Variants in DLG3 observed in about 807,000 individuals in gnomAD.
The protein encoded by DLG3 is discs large MAGUK scaffold protein 3.
Under a neutral mutation model 64.1 loss-of-function variants are expected in DLG3, and 1 was observed. That is an observed-to-expected ratio of 0.02 (90% CI 0.01 to 0.07). The LOEUF (loss-of-function observed/expected upper bound fraction) is 0.07, where lower values mean the gene tolerates loss of function less well. DLG3 is among the 10% of genes least tolerant of loss of function. DLG3 has a pLI of 1.00. For synonymous variants in DLG3, 245 were observed against 259.8 expected (o/e 0.94, Z 0.55); for missense variants, 429 against 669.5 (o/e 0.64, Z 3.96).
chrX:70,469,655 C>T (rs1330336739), intron 9 of DLG3, among the ~76,000 whole-genome samples: 1 of 110,203 alleles, frequency 9.1e-6, no homozygotes. Context: ...ACCATGTTGG[C>T]CAGGCTGGTC....
chrX:70,489,554 C>T (rs1036490936), intron 10 of DLG3, among the ~76,000 whole-genome samples: 6 of 111,817 alleles, frequency 5.4e-5, no homozygotes, highest in African/African-American at 1.6e-4. Context: ...CTGCCCGCCT[C>T]GGCCTCCCAA....
intron 10 of DLG3, among the ~76,000 whole-genome samples, chrX:70,485,255 A>C (rs1473120058): frequency 8.9e-6 from 1 of 111,961 alleles, no homozygotes; most frequent in Non-Finnish European, 1.9e-5. Flanking sequence ...CACATGAAGC[A>C]TAAGACATGG....
intron 1 of DLG3, 152 bp downstream of exon 1, chrX:70,445,710 A>C: frequency 1.9e-6 from 1 of 533,797 alleles, no homozygotes; most frequent in Non-Finnish European, 3.1e-6. Flanking sequence ...AGGCGGTGGG[A>C]AATGTGTGGT....
At chrX:70,487,319 A>T (rs996947057) in intron 10 of DLG3, among the ~76,000 whole-genome samples, 12 of 111,914 alleles carry the variant, frequency 1.1e-4, no homozygotes, top group Non-Finnish European at 2.1e-4. Context: ...TGCACGGCTG[A>T]TCCCTGAAAA....
chrX:70,493,948 A>G (rs774402797), intron 12 of DLG3, among the ~76,000 whole-genome samples: 20 of 112,354 alleles, frequency 1.8e-4, no homozygotes, highest in Non-Finnish European at 3.2e-4. Context: ...TCTTCCCAGG[A>G]TCCCTGGAGT....
At position 70,475,188 on chromosome X, in the gene DLG3, CA is replaced by C. The variant is rs199610190; in HGVS notation, c.1406-3953del. 3.0e-3 allele frequency among the ~76,000 whole-genome samples: 317 copies of C among 107,315 alleles called. 3 individuals are homozygous for C. Among genetic ancestry groups the C allele is most frequent in the African/African-American group, 9.8e-3 (289 of 29,540 alleles). The allele number at this position is 107,315 out of a possible 115,157, so 93.2% of individuals were successfully genotyped here. A position where few individuals can be genotyped will look rare whatever the true frequency, so the allele number is the denominator to read the frequency against. Reference sequence around the variant, plus strand: ...TCTACAAAAAATAAAATATAAAAAACAAAAAAAAACCCACAAATACACAATG... The same window carrying C: ...TCTACAAAAAATAAAATATAAAAAACAAAAAAAACCCACAAATACACAATG... On this transcript the variant is annotated intron_variant, in intron 9 of 18. Transcript: ENST00000374360.
At chrX:70,447,601 G>A (rs773344672) in intron 1 of DLG3, among the ~76,000 whole-genome samples, 1 of 112,049 alleles carries the variant, frequency 8.9e-6, no homozygotes, top group African/African-American at 3.2e-5. Flanking sequence ...AGGACATGTG[G>A]AGGAGCCCCC....
At position 70,502,513 on chromosome X, in the gene DLG3, T is replaced by C. The variant is rs2087584025; in HGVS notation, c.*244T>C. ...TCATGTGACTGTGCCCATTCCTGCATGGACCTTTCCCAAGCGCTAGCACAG... is the reference window on the plus strand; with the variant it reads ...TCATGTGACTGTGCCCATTCCTGCACGGACCTTTCCCAAGCGCTAGCACAG... On this transcript the variant is annotated 3_prime_UTR_variant, in exon 19 of 19. Coordinates refer to ENST00000374360, the MANE Select transcript of DLG3 (RefSeq NM_021120.4). The C allele has an allele frequency of 3.0e-6, 1 of 332,419 alleles. No individual in the cohort carries two copies. Among genetic ancestry groups the C allele is most frequent in the Non-Finnish European group, 5.3e-6 (1 of 187,523 alleles). The allele number at this position is 332,419 out of a possible 1,213,427, so 27.4% of individuals were successfully genotyped here.
At chrX:70,498,432 T>C in intron 13 of DLG3, 88 bp from the exon 14 acceptor site, 1 of 945,106 alleles carries the variant, frequency 1.1e-6, no homozygotes, top group African/African-American at 1.9e-5. Context: ...CTGATAAGGC[T>C]GTGTCCTGGC....
rs142774669 is a variant in DLG3, at chrX:70,504,775, A to C, written c.*2506A>C. ...CAGAGAAAGTGACCTGCCAGCTACC[A>C]GTGTTTCCGAAAATGAGGGTGGGAT... is the stretch of plus-strand genomic sequence containing the variant. On this transcript the variant is annotated 3_prime_UTR_variant, in exon 19 of 19. Coordinates refer to ENST00000374360, the MANE Select transcript of DLG3 (RefSeq NM_021120.4). The C allele has an allele frequency of 8.9e-6, 1 of 112,146 alleles. No homozygotes were observed. Among genetic ancestry groups the C allele is most frequent in the Non-Finnish European group, 1.9e-5 (1 of 53,248 alleles). 9.2% of individuals were successfully genotyped at this position (112,146 alleles called of 1,213,427 possible). A position where few individuals can be genotyped will look rare whatever the true frequency, so the allele number is the denominator to read the frequency against.
chrX:70,492,019 G>C (rs1017466438), intron 10 of DLG3, 88 bp from the exon 11 acceptor site: 2 of 965,502 alleles, frequency 2.1e-6, no homozygotes, highest in Non-Finnish European at 2.9e-6. Flanking sequence ...TGTCTGTGCT[G>C]TTTGGGTTGG....
intron 9 of DLG3, among the ~76,000 whole-genome samples, chrX:70,458,098 A>G (rs1022283081): frequency 9.3e-5 from 10 of 107,907 alleles, no homozygotes; most frequent in Non-Finnish European, 1.5e-4. Flanking sequence ...CTGGTCTTGA[A>G]CTCCTGGGCT....
intron 10 of DLG3, among the ~76,000 whole-genome samples, chrX:70,490,576 ACT>A (rs1936485849): frequency 9.0e-6 from 1 of 111,495 alleles, no homozygotes; most frequent in African/African-American, 3.3e-5. Context: ...ATTTTTAAGA[ACT>A]CTGTTTCAAG....
intron 10 of DLG3, 129 bp downstream of exon 10, chrX:70,479,393 T>C: frequency 1.8e-6 from 1 of 550,010 alleles, no homozygotes; most frequent in Non-Finnish European, 3.2e-6. Context: ...CTTCTCACTG[T>C]ATGCTTAGGT....
chrX:70,476,694 A>G (rs1381211108), intron 9 of DLG3, among the ~76,000 whole-genome samples: 1 of 112,274 alleles, frequency 8.9e-6, no homozygotes, highest in Non-Finnish European at 1.9e-5. Context: ...CTTCTTAACC[A>G]CCTTTCTAAG....
intron 10 of DLG3, among the ~76,000 whole-genome samples, chrX:70,479,727 A>G (rs2087119700): frequency 9.0e-6 from 1 of 111,029 alleles, no homozygotes; most frequent in Non-Finnish European, 1.9e-5. Context: ...AGGTTGCTGC[A>G]TTCTGGATGT....
intron 9 of DLG3, among the ~76,000 whole-genome samples, chrX:70,466,202 TTAA>T (rs755276635): frequency 9.1e-6 from 1 of 109,704 alleles, no homozygotes; most frequent in African/African-American, 3.3e-5. Flanking sequence ...ATTTCTTTTG[TTAA>T]TAATAGGGTT....
chrX:70,475,029 TCAAA>T (rs761401232), intron 9 of DLG3, among the ~76,000 whole-genome samples: 139 of 110,742 alleles, frequency 1.3e-3, no homozygotes, highest in Non-Finnish European at 2.2e-3. Flanking sequence ...ACAGAAATGC[TCAAA>T]CAAATATACA....
chrX:70,449,865 G>A lies in DLG3; in HGVS notation c.703+6G>A. The A allele has an allele frequency of 8.5e-7, 1 of 1,175,750 alleles. No individual in the cohort carries two copies. Among genetic ancestry groups the A allele is most frequent in the Admixed American group, 2.6e-5 (1 of 39,158 alleles). ...CCTGCTCAAAGGGCCCAAAGGTGCG[G>A]CCCTCCAGGTTCCTGTGCTCCAGCC... On this transcript the variant is annotated splice_donor_region_variant and intron_variant, in intron 4 of 18. Transcript: ENST00000374360.
Sources: allele counts gnomAD v4.1 joint callset (sites outside exome capture counted in the v4.1 genomes callset), GRCh38; gene constraint gnomAD v4.1.1; transcripts MANE v1.5; gene names NCBI Gene and HGNC (gene_info 2026-07-23, HGNC 2026-07-21).